Variants in SLCO4C1 observed in about 807,000 individuals in gnomAD.
The protein encoded by SLCO4C1 is solute carrier organic anion transporter family member 4C1.
Under a neutral mutation model 72.1 loss-of-function variants are expected in SLCO4C1, and 58 were observed. That is an observed-to-expected ratio of 0.80 (90% confidence interval 0.65 to 1.00). SLCO4C1 has a LOEUF of 1.00. Among genes scored for constraint, SLCO4C1 ranks in the 50% least tolerant of loss-of-function variants. The pLI is 0.00. For synonymous variants in SLCO4C1, 297 were observed against 312.5 expected (o/e 0.95, Z 0.52); for missense variants, 898 against 857.9 (o/e 1.05, Z -0.58).
intron 2 of SLCO4C1, among the ~76,000 whole-genome samples, chr5:102,290,326 G>A (rs1749528713): frequency 1.3e-5 from 2 of 152,182 alleles, no homozygotes; most frequent in Non-Finnish European, 2.9e-5. Context: ...GATTTTAGGC[G>A]TGAGCCCCCA....
intron 5 of SLCO4C1, 48 bp from the exon 6 acceptor site, chr5:102,260,367 AATATATTATATGTATAAT>A: frequency 4.5e-6 from 1 of 221,786 alleles, no homozygotes; most frequent in Non-Finnish European, 7.0e-6. Context: ...TTATACATAT[AATATATTATATGTATAAT>A]ATATATAATA....
At chr5:102,260,192 C>A (rs544736511) in intron 6 of SLCO4C1, 21 bp downstream of exon 6, 5 of 762,958 alleles carry the variant, frequency 6.6e-6, no homozygotes, top group East Asian at 3.6e-5. Context: ...GAGAGAGAGA[C>A]AGAGAAGAAT....
chr5:102,236,725 C>T lies in SLCO4C1; in HGVS notation c.*133G>A. 2 of 1,014,884 alleles carry T rather than the reference C, an allele frequency of 2.0e-6. No homozygotes were observed. The highest frequency in any genetic ancestry group is 1.6e-5 in the South Asian group (1 of 64,372). 62.9% of individuals were successfully genotyped at this position (1,014,884 alleles called of 1,614,324 possible). A position where few individuals can be genotyped will look rare whatever the true frequency, so the allele number is the denominator to read the frequency against. On this transcript the variant is annotated 3_prime_UTR_variant, in exon 13 of 13. Coordinates refer to ENST00000310954, the MANE Select transcript of SLCO4C1 (RefSeq NM_180991.5). ...CAAAAACTACATAAGTAAAAAAATA[C>T]ATTTGATTATAAAAACATCAATTTT...
chr5:102,255,128 C>T (rs1051663825), intron 8 of SLCO4C1, among the ~76,000 whole-genome samples: 3 of 151,998 alleles, frequency 2.0e-5, no homozygotes, highest in South Asian at 2.1e-4. Context: ...AAAACATATA[C>T]GTTTAGTGAT....
intron 3 of SLCO4C1, among the ~76,000 whole-genome samples, chr5:102,266,925 A>C (rs1749052030): frequency 6.6e-6 from 1 of 152,204 alleles, no homozygotes; most frequent in African/African-American, 2.4e-5. Flanking sequence ...GTGATGTATC[A>C]TATTTATTGA....
intron 2 of SLCO4C1, among the ~76,000 whole-genome samples, chr5:102,279,987 A>G (rs1456102284): frequency 6.6e-6 from 1 of 151,780 alleles, no homozygotes; most frequent in Non-Finnish European, 1.5e-5. Flanking sequence ...CAGTAGTGAA[A>G]GACTGAAAGC....
chr5:102,253,405 TGCTCTCACTTAAAAGTG>T (rs1347353787), intron 8 of SLCO4C1, among the ~76,000 whole-genome samples: 2 of 152,300 alleles, frequency 1.3e-5, no homozygotes, highest in South Asian at 2.1e-4. Flanking sequence ...AAATACCACA[TGCTCTCACTTAAAAGTG>T]GGAGCTAATC....
chr5:102,250,155 G>A (rs1369727202), intron 8 of SLCO4C1, among the ~76,000 whole-genome samples: 1 of 152,080 alleles, frequency 6.6e-6, no homozygotes, highest in Non-Finnish European at 1.5e-5. Context: ...CTTCATTACA[G>A]CAACCAAAAT....
intron 3 of SLCO4C1, among the ~76,000 whole-genome samples, 181 bp downstream of exon 3, chr5:102,270,443 T>C (rs986646922): frequency 6.6e-6 from 1 of 152,174 alleles, no homozygotes; most frequent in Admixed American, 6.6e-5. Context: ...AAAATCATTA[T>C]AATTTATATT....
intron 2 of SLCO4C1, among the ~76,000 whole-genome samples, chr5:102,274,250 G>C (rs761354699): frequency 1.3e-4 from 20 of 152,056 alleles, no homozygotes; most frequent in Non-Finnish European, 2.8e-4. Flanking sequence ...GTGATTTGAC[G>C]ATACACCACA....
intron 2 of SLCO4C1, 74 bp from the exon 3 acceptor site, chr5:102,270,880 T>C (rs1749140293): frequency 8.9e-7 from 1 of 1,127,096 alleles, no homozygotes; most frequent in Non-Finnish European, 1.2e-6. Context: ...TAAATTACAC[T>C]TGCCTAATAT....
chr5:102,269,446 T>C (rs899345975), intron 3 of SLCO4C1, among the ~76,000 whole-genome samples: 1 of 152,148 alleles, frequency 6.6e-6, no homozygotes, highest in African/African-American at 2.4e-5. Context: ...TGATCTAGTC[T>C]ATTGTTAAAG....
Position 102,296,279 on chromosome 5 carries a change from C to T in SLCO4C1, c.-17G>A. 1 of 1,510,478 alleles carries T rather than the reference C, an allele frequency of 6.6e-7. No homozygotes were observed. The highest frequency in any genetic ancestry group is 8.9e-7 in the Non-Finnish European group (1 of 1,128,652). The allele number at this position is 1,510,478 out of a possible 1,614,324, so 93.6% of individuals were successfully genotyped here. Reference sequence around the variant, plus strand: ...GCTCTTCATGTCTGGATGGGTTCTCCCGACTCCGGTGCTTCAGAGCAGCAG... The same window carrying T: ...GCTCTTCATGTCTGGATGGGTTCTCTCGACTCCGGTGCTTCAGAGCAGCAG... On this transcript the variant is annotated 5_prime_UTR_variant, in exon 1 of 13. Coordinates refer to ENST00000310954, the MANE Select transcript of SLCO4C1 (RefSeq NM_180991.5).
At chr5:102,249,984 T>G (rs1373809441) in intron 8 of SLCO4C1, among the ~76,000 whole-genome samples, 196 bp from the exon 9 acceptor site, 1 of 152,192 alleles carries the variant, frequency 6.6e-6, no homozygotes, top group Non-Finnish European at 1.5e-5. Context: ...AATAGTCATA[T>G]AGTATAGTAT....
At chr5:102,238,960 T>G (rs1036557164) in intron 12 of SLCO4C1, among the ~76,000 whole-genome samples, 12 of 152,254 alleles carry the variant, frequency 7.9e-5, no homozygotes, top group African/African-American at 2.9e-4. Context: ...GAGTATACTT[T>G]CCAAAAATGT....
At chr5:102,264,707 T>G (rs1561373640) in intron 3 of SLCO4C1, among the ~76,000 whole-genome samples, 1 of 151,938 alleles carries the variant, frequency 6.6e-6, no homozygotes, top group African/African-American at 2.4e-5. Context: ...CAGTGCTATA[T>G]AGAACACCAG....
At chr5:102,269,098 A>T (rs112100182) in intron 3 of SLCO4C1, among the ~76,000 whole-genome samples, 43 of 152,082 alleles carry the variant, frequency 2.8e-4, no homozygotes, top group African/African-American at 9.6e-4. Context: ...TTTTAGAATT[A>T]TCTTTGTCTT....
chr5:102,262,817 T>C (rs1748966231), intron 4 of SLCO4C1, among the ~76,000 whole-genome samples: 1 of 152,242 alleles, frequency 6.6e-6, no homozygotes, highest in African/African-American at 2.4e-5. Context: ...GGGTCACTAA[T>C]TCAAGAGTTC....
intron 8 of SLCO4C1, among the ~76,000 whole-genome samples, chr5:102,251,054 TA>T (rs1388272391): frequency 5.3e-5 from 8 of 151,948 alleles, no homozygotes; most frequent in Non-Finnish European, 1.0e-4. Flanking sequence ...AGGGGAAACG[TA>T]CTTCAGAAAA....
Sources: gnomAD v4.1 joint callset for allele counts (sites outside exome capture counted in the v4.1 genomes callset) on GRCh38, gnomAD v4.1.1 for gene constraint, MANE v1.5 for transcripts, NCBI Gene and HGNC (gene_info 2026-07-23, HGNC 2026-07-21) for gene names.